The following SETD4 variants were observed in gnomAD, a reference collection of about 807,000 sequenced individuals.
SETD4 encodes the protein SET domain-containing protein 4.
A neutral mutation model predicts 58.3 loss-of-function variants in SETD4; 46 were observed. That is an observed-to-expected ratio of 0.79 (90% CI 0.62 to 1.01). The LOEUF (loss-of-function observed/expected upper bound fraction) is 1.01. Ranked by LOEUF, SETD4 falls within the 50% of genes least tolerant of loss-of-function variation. SETD4 has a pLI of 0.00. For synonymous variants in SETD4, 190 were observed against 202.6 expected (o/e 0.94, Z 0.53); for missense variants, 490 against 523.3 (o/e 0.94, Z 0.62).
At position 36,043,835 on chromosome 21, in the gene SETD4, T is replaced by C. The variant is rs755169540; in HGVS notation, c.848A>G (p.Glu283Gly). The C allele has an allele frequency of 5.0e-6, 8 of 1,614,242 alleles. No homozygotes were observed. The highest frequency in any genetic ancestry group is 1.6e-4 in the Middle Eastern group (1 of 6,062). ...ATTATGGACAGAAACAAATCCGTAT[T>C]CCAGGAACAGCCGTTGATTATCGTG... ...GPHDNQRLFL[E>G]YGFVSVHNPH... The change falls in exon 7 of 12, where the codon GAA becomes GGA. Residue 283 changes from glutamate to glycine, a missense_variant. Transcript: ENST00000332131.
At chr21:36,050,606 G>A (rs10483031) in intron 4 of SETD4, 42,556 of 1,612,294 alleles carry the variant, frequency 0.026, 995 homozygotes, top group African/African-American at 0.088. Flanking sequence ...TTCCTCTGCC[G>A]GATACTTTCT....
intron 9 of SETD4, 25 bp downstream of exon 9, chr21:36,040,550 T>G: frequency 6.2e-7 from 1 of 1,600,142 alleles, no homozygotes; most frequent in Admixed American, 1.7e-5. Context: ...TGCTACAGCT[T>G]AAGACCAACA....
Position 36,039,887 on chromosome 21 carries a change from C to T in SETD4, c.1064+688G>A, listed in dbSNP as rs1322679407. 2.0e-5 allele frequency among the ~76,000 whole-genome samples: 3 copies of T among 152,238 alleles called. No individual in the cohort carries two copies. The South Asian group carries it at 6.2e-4, about 32-fold the overall frequency. ...GCACCGACTGCTCCCAGGCACTGTG[C>T]CTCATCTCAGTCAGTCCTCCCAACT... On this transcript the variant is annotated intron_variant, in intron 9 of 11. Coordinates refer to ENST00000332131, the MANE Select transcript of SETD4 (RefSeq NM_017438.5).
chr21:36,055,970 A>C (rs1182804528), intron 3 of SETD4, among the ~76,000 whole-genome samples: 1 of 151,804 alleles, frequency 6.6e-6, no homozygotes, highest in South Asian at 2.1e-4. Context: ...CTGGGGAAAA[A>C]CTCTGTTCTG....
Position 36,045,661 on chromosome 21 carries a change from C to T in SETD4, c.647G>A (p.Arg216Gln), listed in dbSNP as rs776742043. The T allele has an allele frequency of 5.0e-6, 8 of 1,613,994 alleles. No individual in the cohort carries two copies. In the African/African-American group the frequency reaches 9.3e-5, roughly 19 times the overall value. The part of the protein sequence containing the change: ...TRAVYLRPRQ[R>Q]ECLSAEPDTC... ...GTCCGGCTCTGCAGAAAGGCATTCC[C>T]GCTGCCTGGGCCTCAGGTACACGGC... Residue 216 changes from arginine (R) to glutamine (Q), a missense_variant, in exon 6 of 12, where the codon CGG becomes CAG. Physicochemically the swap from Arg to Gln is conservative, Grantham distance 43. Coordinates refer to ENST00000332131, the MANE Select transcript of SETD4 (RefSeq NM_017438.5).
At position 36,040,580 on chromosome 21, in the gene SETD4, C is replaced by T; in HGVS notation, c.1059G>A (p.Glu353=). ...TALKLLCLEA[E]KFTCWKKVLL... ...CCAACACATGTGAAACTTACAATTTCTCAGCTTCCAGACATAACAACTTAA... is the reference window on the plus strand; with the variant it reads ...CCAACACATGTGAAACTTACAATTTTTCAGCTTCCAGACATAACAACTTAA... Residue 353 remains glutamate (E), a synonymous_variant, in exon 9 of 12, where the codon GAG becomes GAA. Coordinates refer to ENST00000332131, the MANE Select transcript of SETD4 (RefSeq NM_017438.5). The T allele has an allele frequency of 1.2e-6, 2 of 1,613,436 alleles. No homozygotes were observed. Among genetic ancestry groups the T allele is most frequent in the Non-Finnish European group, 1.7e-6 (2 of 1,179,512 alleles).
At chr21:36,051,698 TTTTG>T (rs1161734707) in intron 4 of SETD4, among the ~76,000 whole-genome samples, 1 of 152,238 alleles carries the variant, frequency 6.6e-6, no homozygotes. Flanking sequence ...GGTCCCTTGC[TTTTG>T]TTTTTGTACA....
Position 36,045,969 on chromosome 21 carries a change from A to C in SETD4, c.339T>G (p.Phe113Leu). ...GCCCAGCATGCTTTTCTGAAACTAA[A>C]AAGGTGCACAGCGCCAGCAGAGGAG... Reference protein sequence around the residue: ...PPSPLLALCTFLVSEKHAGHR... With the variant: ...PPSPLLALCTLLVSEKHAGHR... The change falls in exon 6 of 12, where the codon TTT (phenylalanine) becomes TTG (leucine). Residue 113 changes from phenylalanine (F) to leucine (L), a missense_variant. Coordinates refer to ENST00000332131, the MANE Select transcript of SETD4 (RefSeq NM_017438.5). 1 of 1,614,146 alleles carries C rather than the reference A, an allele frequency of 6.2e-7. No homozygotes were observed. The highest frequency in any genetic ancestry group is 8.5e-7 in the Non-Finnish European group (1 of 1,180,034).
intron 5 of SETD4, among the ~76,000 whole-genome samples, chr21:36,047,082 C>T (rs936058267): frequency 2.6e-5 from 4 of 152,046 alleles, no homozygotes; most frequent in East Asian, 1.9e-4. Context: ...ATGGAGAAAC[C>T]CCATCTCTAC....
chr21:36,040,502 A>C, intron 9 of SETD4, 73 bp downstream of exon 9: 1 of 1,361,060 alleles, frequency 7.3e-7, no homozygotes, highest in Non-Finnish European at 1.0e-6. Context: ...CAAGCCAAAA[A>C]CAAACAAACC....
At position 36,041,794 on chromosome 21, in the gene SETD4, G is replaced by A. The variant is rs2064075476; in HGVS notation, c.983+13C>T. 4 of 1,461,034 alleles carry A rather than the reference G, an allele frequency of 2.7e-6. No individual in the cohort carries two copies. The highest frequency in any genetic ancestry group is 4.8e-5 in the East Asian group (2 of 41,414). 90.5% of individuals were successfully genotyped at this position (1,461,034 alleles called of 1,614,324 possible). Reference sequence around the variant, plus strand: ...TAAAGGAATAATTTTAAGAGGGAAAGAGAAACACTTACTCTATATAGCCAT... The same window carrying A: ...TAAAGGAATAATTTTAAGAGGGAAAAAGAAACACTTACTCTATATAGCCAT... On this transcript the variant is annotated intron_variant, in intron 8 of 11. Coordinates refer to ENST00000332131, the MANE Select transcript of SETD4 (RefSeq NM_017438.5).
chr21:36,045,496 T>C (rs1568916337), intron 6 of SETD4, 86 bp downstream of exon 6: 1 of 1,499,770 alleles, frequency 6.7e-7, no homozygotes, highest in Non-Finnish European at 9.0e-7. Context: ...CTCCCTGTGG[T>C]GCCACCCACA....
chr21:36,054,730 G>C (rs1357851484), intron 3 of SETD4, among the ~76,000 whole-genome samples: 2 of 151,232 alleles, frequency 1.3e-5, no homozygotes, highest in African/African-American at 4.9e-5. Context: ...CCGGCTCATG[G>C]TGGGAATTCC....
chr21:36,049,591 C>T (rs1010607875), intron 4 of SETD4, among the ~76,000 whole-genome samples: 1 of 152,074 alleles, frequency 6.6e-6, no homozygotes, highest in South Asian at 2.1e-4. Context: ...AAAAATCTTC[C>T]GGGATCAATT....
intron 9 of SETD4, among the ~76,000 whole-genome samples, chr21:36,039,506 A>G (rs1463802683): frequency 6.6e-6 from 1 of 152,264 alleles, no homozygotes; most frequent in Admixed American, 6.5e-5. Context: ...ACATAAGTAC[A>G]CACAAAATAA....
intron 6 of SETD4, among the ~76,000 whole-genome samples, 168 bp from the exon 7 acceptor site, chr21:36,044,124 TTCACCCCATTGA>T (rs1350050651): frequency 3.9e-5 from 6 of 152,240 alleles, no homozygotes; most frequent in African/African-American, 1.2e-4. Context: ...CCACCTCGAC[TTCACCCCATTGA>T]TGACGGAGGG....
intron 6 of SETD4, among the ~76,000 whole-genome samples, 199 bp downstream of exon 6, chr21:36,045,383 G>A (rs2064265057): frequency 1.3e-5 from 2 of 152,172 alleles, no homozygotes; most frequent in Admixed American, 1.3e-4. Flanking sequence ...AAGAAAAGGG[G>A]CCAAGGCAAG....
At chr21:36,054,442 C>G (rs1367776597) in intron 3 of SETD4, among the ~76,000 whole-genome samples, 1 of 152,218 alleles carries the variant, frequency 6.6e-6, no homozygotes, top group Non-Finnish European at 1.5e-5. Flanking sequence ...GTCTCCAATT[C>G]ATCGTTCTTC....
intron 9 of SETD4, 36 bp downstream of exon 9, chr21:36,040,539 T>C (rs1158776721): frequency 6.4e-7 from 1 of 1,573,878 alleles, no homozygotes; most frequent in Non-Finnish European, 8.7e-7. Context: ...ATCTAGCCTG[T>C]TGCTACAGCT....
Sources: gnomAD v4.1 joint callset for allele counts (sites outside exome capture counted in the v4.1 genomes callset) on GRCh38, gnomAD v4.1.1 for gene constraint, MANE v1.5 for transcripts, NCBI Gene and HGNC (gene_info 2026-07-23, HGNC 2026-07-21) for gene names.